The following CTBP1 variants were observed in gnomAD, a reference collection of about 807,000 sequenced individuals.
CTBP1 encodes C-terminal-binding protein 1.
Under a neutral mutation model 42.1 loss-of-function variants are expected in CTBP1, and 11 were observed. That is an observed-to-expected ratio of 0.26 (90% CI 0.16 to 0.43). CTBP1 has a LOEUF of 0.43. CTBP1 is among the 20% of genes least tolerant of loss of function. CTBP1 has a pLI of 1.00. For missense variants in CTBP1, 399 were observed against 624.3 expected (o/e 0.64, Z 3.85); for synonymous variants, 324 against 277.1 (o/e 1.17, Z -1.68).
chr4:1,213,511 C>G lies in CTBP1; in HGVS notation c.955G>C (p.Glu319Gln). The change falls in exon 8 of 10, where the codon GAG (glutamate) becomes CAG (glutamine). Residue 319 changes from glutamate (E) to glutamine (Q), a missense_variant. Transcript: ENST00000382952. ...SEQASIEMRE[E>Q]AAREIRRAIT... ...GCTCTGCGGATCTCCCGTGCCGCCT[C>G]CTCTCGCATCTCGATGGATGCCTGC... 1 of 1,612,802 alleles carries G rather than the reference C, an allele frequency of 6.2e-7. No homozygotes were observed. Among genetic ancestry groups the G allele is most frequent in the Non-Finnish European group, 8.5e-7 (1 of 1,179,910 alleles).
At chr4:1,213,798 T>C in intron 7 of CTBP1, 193 bp from the exon 8 acceptor site, 5 of 657,250 alleles carry the variant, frequency 7.6e-6, no homozygotes, top group Non-Finnish European at 1.2e-5. Flanking sequence ...CAGGGGCTCC[T>C]GACAGCGGCG....
Position 1,212,824 on chromosome 4 carries a change from C to T in CTBP1, c.1106+89G>A, listed in dbSNP as rs190625720. 1,037 of 1,137,692 alleles carry T rather than the reference C, an allele frequency of 9.1e-4. 5 individuals are homozygous for T. In the African/African-American group the frequency reaches 0.013, roughly 14 times the overall value. 70.5% of individuals were successfully genotyped at this position (1,137,692 alleles called of 1,614,324 possible). ...GATCCTCCAGGTCAGTCAGTGGAGA[C>T]GCCGCCCCTCCCACCAGGGGCTGTG... On this transcript the variant is annotated intron_variant, in intron 9 of 9. Coordinates refer to ENST00000382952, the MANE Select transcript of CTBP1 (RefSeq NM_001012614.2).
In CTBP1 at chr4:1,225,421, G is replaced by A; in HGVS notation, c.453C>T (p.Ile151=). ...EGTRVQSVEQ[I]REVASGAARI... is the part of the protein sequence containing the mutation. ...TGGCAGCGCCGGACGCCACCTCGCG[G>A]ATCTGCTCGACGCTCTGGACTCGTG... The change falls in exon 5 of 10, where the codon ATC becomes ATT. Residue 151 remains isoleucine (I), a synonymous_variant. Coordinates refer to ENST00000382952, the MANE Select transcript of CTBP1 (RefSeq NM_001012614.2). 1.3e-6 allele frequency: 2 copies of A among 1,560,826 alleles called. No individual in the cohort carries two copies. The highest frequency in any genetic ancestry group is 1.2e-5 in the South Asian group (1 of 85,154).
chr4:1,243,424 G>C, intron 1 of CTBP1: 2 of 985,392 alleles, frequency 2.0e-6, no homozygotes, highest in Non-Finnish European at 2.4e-6. Context: ...ATGCCACAGG[G>C]ACTTCCTGTG....
intron 5 of CTBP1, chr4:1,223,501 G>C (rs1330904322): frequency 4.4e-6 from 2 of 456,114 alleles, no homozygotes; most frequent in South Asian, 1.5e-5. Flanking sequence ...GCGGTCAGCA[G>C]GAGTGGGCTG....
intron 1 of CTBP1, among the ~76,000 whole-genome samples, chr4:1,248,263 G>A (rs1732957467): frequency 6.6e-6 from 1 of 151,880 alleles, no homozygotes; most frequent in East Asian, 1.9e-4. Context: ...GGGACCTCGC[G>A]GAGTTCGCGG....
In CTBP1 at chr4:1,233,922, G is replaced by A. The variant is rs759605983; in HGVS notation, c.162+4261C>T. ...CTGGAGACAGGGAGCCTGCGGCCCC[G>A]CTGCCCTCTCCACAGCCACGAGGGT... On this transcript the variant is annotated intron_variant, in intron 3 of 9. Coordinates refer to ENST00000382952, the MANE Select transcript of CTBP1 (RefSeq NM_001012614.2). The surrounding 1 kb of genome is among the most constrained non-coding windows in gnomAD (Gnocchi z 4.6). Among the ~76,000 whole-genome samples, 25 of 152,318 alleles carry A rather than the reference G, an allele frequency of 1.6e-4. No individual in the cohort carries two copies. The highest frequency in any genetic ancestry group is 6.5e-4 in the Admixed American group (10 of 15,294).
intron 1 of CTBP1, chr4:1,248,674 G>T: frequency 1.2e-5 from 12 of 983,374 alleles, no homozygotes; most frequent in Non-Finnish European, 1.4e-5. Flanking sequence ...CACGGGCCGC[G>T]GGCGGGGAGA....
chr4:1,222,469 C>T (rs952277399), intron 5 of CTBP1, among the ~76,000 whole-genome samples: 5 of 152,078 alleles, frequency 3.3e-5, no homozygotes, highest in Non-Finnish European at 7.4e-5. Context: ...GGGGCCTGCC[C>T]GAGAGCCCAC....
chr4:1,223,390 T>A (rs762536708), intron 5 of CTBP1: 1 of 453,974 alleles, frequency 2.2e-6, no homozygotes, highest in African/African-American at 2.0e-5. Flanking sequence ...ACGTGTTCCA[T>A]GCACATCCGT....
At chr4:1,223,359 C>T (rs1001902853) in intron 5 of CTBP1, 9 of 440,242 alleles carry the variant, frequency 2.0e-5, no homozygotes, top group African/African-American at 1.4e-4. Context: ...CCGTGAGAGA[C>T]GTGTCCAGGA....
chr4:1,238,445 G>C lies in CTBP1; in HGVS notation c.8-108C>G. 1 of 1,316,784 alleles carries C rather than the reference G, an allele frequency of 7.6e-7. No homozygotes were observed. The highest frequency in any genetic ancestry group is 2.3e-4 in the Middle Eastern group (1 of 4,350). The allele number at this position is 1,316,784 out of a possible 1,614,324, so 81.6% of individuals were successfully genotyped here. On this transcript the variant is annotated intron_variant, in intron 2 of 9. Coordinates refer to ENST00000382952, the MANE Select transcript of CTBP1 (RefSeq NM_001012614.2). This position sits in a 1 kb window ranked among gnomAD's most constrained non-coding sequence, Gnocchi z 5.9. ...GGCCAACGAGGGCCGACCGCCGGGGGTTTTCTGGTCTATATGTTGTGATAT... is the reference window on the plus strand; with the variant it reads ...GGCCAACGAGGGCCGACCGCCGGGGCTTTTCTGGTCTATATGTTGTGATAT...
chr4:1,237,043 G>A, intron 3 of CTBP1: 3 of 664,982 alleles, frequency 4.5e-6, no homozygotes, highest in Non-Finnish European at 5.5e-6. Flanking sequence ...TCCTGATGGC[G>A]CTCAGGACAA....
intron 4 of CTBP1, among the ~76,000 whole-genome samples, chr4:1,226,586 G>A (rs1403045628): frequency 6.7e-6 from 1 of 150,278 alleles, no homozygotes; most frequent in Non-Finnish European, 1.5e-5. Context: ...GACCTCCTGA[G>A]GGTGGGCCAG....
chr4:1,232,140 C>G (rs914479266), intron 3 of CTBP1, among the ~76,000 whole-genome samples: 1 of 152,226 alleles, frequency 6.6e-6, no homozygotes, highest in African/African-American at 2.4e-5. Flanking sequence ...ACCTCCTAGG[C>G]TGAAGCGATC....
intron 1 of CTBP1, among the ~76,000 whole-genome samples, chr4:1,248,279 G>C (rs1168310680): frequency 6.6e-6 from 1 of 151,844 alleles, no homozygotes; most frequent in Admixed American, 6.6e-5. Flanking sequence ...CGCGGGAACG[G>C]AGACCCCGGG....
intron 3 of CTBP1, among the ~76,000 whole-genome samples, chr4:1,230,003 AC>A (rs1414924595): frequency 6.6e-6 from 1 of 152,082 alleles, no homozygotes; most frequent in East Asian, 1.9e-4. Flanking sequence ...GGAGGCATCT[AC>A]CCGGACCACA....
chr4:1,213,291 GTA>G (rs1331577863), intron 8 of CTBP1, among the ~76,000 whole-genome samples, 185 bp downstream of exon 8: 2 of 152,162 alleles, frequency 1.3e-5, no homozygotes, highest in Non-Finnish European at 2.9e-5. Flanking sequence ...GGTCCTGTGT[GTA>G]AGACACGACG....
In CTBP1 at chr4:1,238,122, C is replaced by T. The variant is rs754046677; in HGVS notation, c.162+61G>A. 1.8e-5 allele frequency: 29 copies of T among 1,607,394 alleles called. No individual in the cohort carries two copies. The highest frequency in any genetic ancestry group is 1.6e-4 in the Middle Eastern group (1 of 6,074). ...CTGTGGCCCGGGCCTGCCGTGCTCCCGTCCCTCCAACTCCCCCCAACGTGC... is the reference window on the plus strand; with the variant it reads ...CTGTGGCCCGGGCCTGCCGTGCTCCTGTCCCTCCAACTCCCCCCAACGTGC... On this transcript the variant is annotated intron_variant, in intron 3 of 9. Transcript: ENST00000382952. The surrounding 1 kb of genome is among the most constrained non-coding windows in gnomAD (Gnocchi z 5.9).
Sources: gnomAD v4.1 joint callset for allele counts (sites outside exome capture counted in the v4.1 genomes callset) on GRCh38, gnomAD v4.1.1 for gene constraint, Gnocchi (gnomAD v3.1) non-coding constraint, MANE v1.5 for transcripts, NCBI Gene and HGNC (gene_info 2026-07-23, HGNC 2026-07-21) for gene names.